TMTC2: variants seen among roughly 807,000 people sequenced by gnomAD.
TMTC2 encodes transmembrane O-mannosyltransferase targeting cadherins 2.
Under a neutral mutation model 82.4 loss-of-function variants are expected in TMTC2, and 43 were observed. That is an observed-to-expected ratio of 0.52 (90% CI 0.41 to 0.67). The LOEUF is 0.67. TMTC2 is among the 30% of genes least tolerant of loss of function. TMTC2 has a pLI of 0.00. For synonymous variants in TMTC2, 408 were observed against 381.9 expected (o/e 1.07, Z -0.80); for missense variants, 919 against 1,012.4 (o/e 0.91, Z 1.25).
chr12:82,912,741 C>T (rs1045439450), intron 3 of TMTC2, among the ~76,000 whole-genome samples: 1 of 151,602 alleles, frequency 6.6e-6, no homozygotes. Flanking sequence ...AGTTTGAGAC[C>T]TGCCTGGGCA....
rs561398259 is a variant in TMTC2, at chr12:82,718,542, T to C, written c.83+30873T>C. ...ATTTGAACCCTGGGCCCCTGTGCCC[T>C]GGTGTTGGAGCTTTTGGGATACTGT... On this transcript the variant is annotated intron_variant, in intron 1 of 11. Coordinates refer to ENST00000321196, the MANE Select transcript of TMTC2 (RefSeq NM_152588.3). Among the ~76,000 whole-genome samples, 168 of 152,298 alleles carry C rather than the reference T, an allele frequency of 1.1e-3. 1 individual carries two copies. The highest frequency in any genetic ancestry group is 6.8e-3 in the Middle Eastern group (2 of 294).
Position 83,061,752 on chromosome 12 carries a change from A to G in TMTC2, c.2268-16A>G. On this transcript the variant is annotated splice_polypyrimidine_tract_variant and intron_variant, in intron 10 of 11. Coordinates refer to ENST00000321196, the MANE Select transcript of TMTC2 (RefSeq NM_152588.3). ...AAAATATATGATATAGTTTTATTTT[A>G]TTTTTTCTTTTACAGACAGGCTAGC... 2 of 1,577,408 alleles carry G rather than the reference A, an allele frequency of 1.3e-6. No homozygotes were observed. The highest frequency in any genetic ancestry group is 1.7e-6 in the Non-Finnish European group (2 of 1,165,390).
intron 1 of TMTC2, among the ~76,000 whole-genome samples, chr12:82,776,664 A>C (rs1276305149): frequency 2.6e-5 from 4 of 151,312 alleles, no homozygotes; most frequent in Non-Finnish European, 1.5e-5. Context: ...ACATGCCTCT[A>C]GTCCCAGCTA....
intron 8 of TMTC2, among the ~76,000 whole-genome samples, chr12:83,026,249 G>T (rs947066665): frequency 6.6e-6 from 1 of 152,092 alleles, no homozygotes; most frequent in Non-Finnish European, 1.5e-5. Flanking sequence ...TAGGGTAAAA[G>T]ACGAAATATT....
chr12:82,904,017 C>A (rs997088037), intron 3 of TMTC2, among the ~76,000 whole-genome samples: 5 of 152,116 alleles, frequency 3.3e-5, no homozygotes, highest in African/African-American at 4.8e-5. Flanking sequence ...CATTTTGATA[C>A]AAGGCAAAAC....
At chr12:82,836,342 AT>A (rs752775277) in intron 1 of TMTC2, among the ~76,000 whole-genome samples, 13 of 152,204 alleles carry the variant, frequency 8.5e-5, no homozygotes, top group Non-Finnish European at 1.6e-4. Context: ...TTAAAATTGA[AT>A]ATTATCCTGG....
chr12:82,949,272 T>C lies in TMTC2; in HGVS notation c.1599-15752T>C, dbSNP rs547679197. On this transcript the variant is annotated intron_variant, in intron 4 of 11. Transcript: ENST00000321196. ...AGTAAATCAGTATATAGGTTTAAAG[T>C]TAAATCATTTGTGGTTAGTGCCTTT... is the stretch of plus-strand genomic sequence containing the variant. 1.6e-4 allele frequency among the ~76,000 whole-genome samples: 25 copies of C among 152,356 alleles called. No individual in the cohort carries two copies. In the South Asian group the frequency reaches 5.0e-3, roughly 30 times the overall value.
At chr12:82,730,068 G>A (rs977980079) in intron 1 of TMTC2, among the ~76,000 whole-genome samples, 2 of 152,042 alleles carry the variant, frequency 1.3e-5, no homozygotes, top group Admixed American at 6.6e-5. Context: ...CTCCGGACAC[G>A]CTGCCTTTAA....
At chr12:82,984,898 T>C (rs961191882) in intron 7 of TMTC2, among the ~76,000 whole-genome samples, 16 of 152,104 alleles carry the variant, frequency 1.1e-4, no homozygotes, top group Non-Finnish European at 1.5e-5. Context: ...CTAAAATATA[T>C]ATTATTAGAG....
chr12:82,876,862 C>T (rs1872608792), intron 2 of TMTC2, among the ~76,000 whole-genome samples: 2 of 152,134 alleles, frequency 1.3e-5, no homozygotes, highest in South Asian at 4.1e-4. Context: ...TCCCCAATGT[C>T]CACATCTCAT....
chr12:83,132,479 G>GTGT lies in TMTC2; in HGVS notation c.*92_*94dup. On this transcript the variant is annotated 3_prime_UTR_variant, in exon 12 of 12. Coordinates refer to ENST00000321196, the MANE Select transcript of TMTC2 (RefSeq NM_152588.3). ...CCCAGCAGTGCTATGACAAGAGCTG[G>GTGT]TGTTAGACTTCAAGACCAGGGCAGA... 1 of 1,452,106 alleles carries GTGT rather than the reference G, an allele frequency of 6.9e-7. No homozygotes were observed. The highest frequency in any genetic ancestry group is 9.4e-7 in the Non-Finnish European group (1 of 1,065,060). 90.0% of individuals were successfully genotyped at this position (1,452,106 alleles called of 1,614,324 possible).
chr12:83,037,724 C>G (rs1219266030), intron 9 of TMTC2, among the ~76,000 whole-genome samples: 3 of 151,888 alleles, frequency 2.0e-5, no homozygotes, highest in Non-Finnish European at 4.4e-5. Flanking sequence ...ACATAAGATA[C>G]TTTCCAAAGG....
chr12:83,121,560 G>A (rs1033124577), intron 11 of TMTC2, among the ~76,000 whole-genome samples: 1 of 152,098 alleles, frequency 6.6e-6, no homozygotes, highest in Non-Finnish European at 1.5e-5. Context: ...GGAGGTGGCA[G>A]GGGGGTGAAA....
chr12:82,768,373 A>G (rs1024093088), intron 1 of TMTC2, among the ~76,000 whole-genome samples: 1 of 152,186 alleles, frequency 6.6e-6, no homozygotes, highest in Non-Finnish European at 1.5e-5. Flanking sequence ...CAGAAAGAAA[A>G]GGCCCTAGAA....
chr12:82,731,002 C>T (rs1439498039), intron 1 of TMTC2, among the ~76,000 whole-genome samples: 2 of 152,114 alleles, frequency 1.3e-5, no homozygotes, highest in South Asian at 2.1e-4. Flanking sequence ...CAGACATCTT[C>T]AATAAGGTAA....
chr12:82,870,118 C>T (rs1872099744), intron 2 of TMTC2, among the ~76,000 whole-genome samples: 1 of 152,128 alleles, frequency 6.6e-6, no homozygotes, highest in Non-Finnish European at 1.5e-5. Context: ...TAATTAATTA[C>T]AATTCTAATT....
At chr12:82,864,900 A>G (rs1407709043) in intron 2 of TMTC2, among the ~76,000 whole-genome samples, 1 of 151,584 alleles carries the variant, frequency 6.6e-6, no homozygotes, top group Non-Finnish European at 1.5e-5. Context: ...TACAGTCCTC[A>G]TAAGAAAAAT....
At chr12:82,961,682 A>C (rs1019430937) in intron 4 of TMTC2, among the ~76,000 whole-genome samples, 1 of 151,982 alleles carries the variant, frequency 6.6e-6, no homozygotes, top group African/African-American at 2.4e-5. Flanking sequence ...GCGTCTGCCT[A>C]CTGGCAGTCT....
chr12:82,987,327 G>C (rs1879193884), intron 8 of TMTC2, among the ~76,000 whole-genome samples: 1 of 150,962 alleles, frequency 6.6e-6, no homozygotes, highest in Non-Finnish European at 1.5e-5. Context: ...AGGTGGCTGA[G>C]GCAGGAAAAT....
Sources: allele counts gnomAD v4.1 joint callset (sites outside exome capture counted in the v4.1 genomes callset), GRCh38; gene constraint gnomAD v4.1.1; transcripts MANE v1.5; gene names NCBI Gene and HGNC (gene_info 2026-07-23, HGNC 2026-07-21).